Variants in LGSN observed in about 807,000 individuals in gnomAD.
The protein encoded by LGSN is lengsin, lens protein with glutamine synthetase domain.
LGSN carries 21 observed loss-of-function variants against 19.5 expected under a neutral mutation model. That is an observed-to-expected ratio of 1.07 (90% CI 0.76 to 1.55). LGSN has a LOEUF of 1.55. LGSN is among the 40% of genes most tolerant of loss of function. LGSN has a pLI of 0.00. For synonymous variants in LGSN, 257 were observed against 215.6 expected (o/e 1.19, Z -1.68); for missense variants, 673 against 608.5 (o/e 1.11, Z -1.12).
At chr6:63,287,489 C>T (rs566744701) in intron 2 of LGSN, among the ~76,000 whole-genome samples, 3 of 152,062 alleles carry the variant, frequency 2.0e-5, no homozygotes, top group Non-Finnish European at 2.9e-5. Context: ...GAGTTCAAGA[C>T]CAGCCTGGGC....
chr6:63,467,747 G>A, the LGSN span, among the ~76,000 whole-genome samples: 7 of 152,034 alleles, frequency 4.6e-5, no homozygotes, highest in African/African-American at 1.7e-4. Flanking sequence ...GCTGCAGTGC[G>A]GTGGCGTGAT....
the LGSN span, among the ~76,000 whole-genome samples, chr6:63,338,043 C>T: frequency 2.0e-5 from 3 of 151,690 alleles, no homozygotes; most frequent in African/African-American, 7.3e-5. Flanking sequence ...ACACCACCAC[C>T]CCTGGCTAAT....
At position 63,276,531 on chromosome 6, in the gene LGSN, T is replaced by A. The variant is rs1425544579; in HGVS notation, c.*3490A>T. 1 of 152,172 alleles carries A rather than the reference T, an allele frequency of 6.6e-6. No individual in the cohort carries two copies. 9.4% of individuals were successfully genotyped at this position (152,172 alleles called of 1,614,324 possible). A position where few individuals can be genotyped will look rare whatever the true frequency, so the allele number is the denominator to read the frequency against. ...CTTTGATTAGAACAATTATAGTAAA[T>A]GAAAATAAGAAAGCAATTTTTGTAA... On this transcript the variant is annotated 3_prime_UTR_variant, in exon 4 of 4. Coordinates refer to ENST00000370657, the MANE Select transcript of LGSN (RefSeq NM_016571.3).
chr6:63,523,788 G>A, the LGSN span, among the ~76,000 whole-genome samples: 2 of 152,090 alleles, frequency 1.3e-5, no homozygotes, highest in Non-Finnish European at 2.9e-5. Context: ...GTGTGGCCCA[G>A]ACAATTCTTC....
At chr6:63,507,882 T>C in the LGSN span, among the ~76,000 whole-genome samples, 12 of 152,330 alleles carry the variant, frequency 7.9e-5, no homozygotes, top group African/African-American at 2.9e-4. Context: ...TTCATGACAT[T>C]ATTGATCTAC....
the LGSN span, among the ~76,000 whole-genome samples, chr6:63,427,039 C>T: frequency 6.6e-6 from 1 of 150,770 alleles, no homozygotes; most frequent in African/African-American, 2.4e-5. Context: ...ATTTACAGAC[C>T]TTTCCCTTTT....
the LGSN span, among the ~76,000 whole-genome samples, chr6:63,436,022 A>C: frequency 6.6e-6 from 1 of 151,710 alleles, no homozygotes; most frequent in Non-Finnish European, 1.5e-5. Context: ...GTGTTTTTTT[A>C]AATCCTTGAC....
At chr6:63,456,271 C>T in the LGSN span, among the ~76,000 whole-genome samples, 1 of 146,254 alleles carries the variant, frequency 6.8e-6, no homozygotes, top group African/African-American at 2.5e-5. Flanking sequence ...TCACTTGTAA[C>T]TTCTGCTAAT....
the LGSN span, among the ~76,000 whole-genome samples, chr6:63,519,037 G>A: frequency 6.6e-6 from 1 of 152,242 alleles, no homozygotes; most frequent in Admixed American, 6.5e-5. Flanking sequence ...ACTACAGGCC[G>A]GGCACAGTGG....
At chr6:63,505,443 C>T in the LGSN span, among the ~76,000 whole-genome samples, 75 of 149,836 alleles carry the variant, frequency 5.0e-4, no homozygotes, top group Admixed American at 2.4e-3. Flanking sequence ...CCAGGTGTGG[C>T]GGCACATACC....
the LGSN span, among the ~76,000 whole-genome samples, chr6:63,382,284 C>T: frequency 5.3e-4 from 81 of 152,168 alleles, no homozygotes; most frequent in African/African-American, 1.8e-3. Flanking sequence ...AACAGTGAAA[C>T]CCTAGTTAAC....
the LGSN span, among the ~76,000 whole-genome samples, chr6:63,428,430 C>A: frequency 7.9e-5 from 12 of 152,198 alleles, no homozygotes; most frequent in Non-Finnish European, 1.8e-4. Flanking sequence ...TGGCTCACAG[C>A]AACCTCCGCC....
the LGSN span, among the ~76,000 whole-genome samples, chr6:63,488,376 A>T: frequency 2.0e-5 from 3 of 152,308 alleles, no homozygotes; most frequent in Middle Eastern, 0.01. Context: ...CCAGCATCCC[A>T]CAGGTAGTAA....
At chr6:63,487,924 G>C in the LGSN span, among the ~76,000 whole-genome samples, 1 of 151,530 alleles carries the variant, frequency 6.6e-6, no homozygotes, top group Non-Finnish European at 1.5e-5. Context: ...AGGTTGCAGT[G>C]AGCCGAGATC....
the LGSN span, among the ~76,000 whole-genome samples, chr6:63,491,551 A>G: frequency 1.3e-5 from 2 of 152,220 alleles, no homozygotes; most frequent in Admixed American, 1.3e-4. Context: ...GGCCAGTTAT[A>G]ATGAAATATG....
chr6:63,404,889 T>A, the LGSN span, among the ~76,000 whole-genome samples: 1 of 152,076 alleles, frequency 6.6e-6, no homozygotes, highest in Non-Finnish European at 1.5e-5. Context: ...TGTGCCATGC[T>A]GGTGCACTGC....
rs769857063 is a variant in LGSN at position 63,280,653 on chromosome 6, C to A, written c.898G>T (p.Ala300Ser). 2 of 1,613,942 alleles carry A rather than the reference C, an allele frequency of 1.2e-6. No homozygotes were observed. The highest frequency in any genetic ancestry group is 8.5e-7 in the Non-Finnish European group (1 of 1,180,038). ...AATCCAGTCTCAATGAAGAAGCTGG[C>A]AATGTAATTATATTTCCTTGCCACT... Reference protein sequence around the residue: ...KEVARKYNYIASFFIETGFCD... With the variant: ...KEVARKYNYISSFFIETGFCD... Residue 300 changes from alanine to serine, a missense_variant, in exon 4 of 4, where the codon GCC becomes TCC. Physicochemically the swap from Ala to Ser is moderately conservative, Grantham distance 99. Transcript: ENST00000370657.
At chr6:63,490,226 G>T in the LGSN span, among the ~76,000 whole-genome samples, 1 of 152,188 alleles carries the variant, frequency 6.6e-6, no homozygotes, top group African/African-American at 2.4e-5. Flanking sequence ...GATGACAATT[G>T]TATCTCTTCC....
the LGSN span, among the ~76,000 whole-genome samples, chr6:63,362,554 C>T: frequency 2.0e-5 from 3 of 152,148 alleles, no homozygotes; most frequent in Non-Finnish European, 4.4e-5. Context: ...ATTATATCCC[C>T]CGCCTGGCTC....
Sources: allele counts gnomAD v4.1 joint callset (sites outside exome capture counted in the v4.1 genomes callset), GRCh38; gene constraint gnomAD v4.1.1; transcripts MANE v1.5; gene names NCBI Gene and HGNC (gene_info 2026-07-23, HGNC 2026-07-21).